Variants in ADK observed in about 807,000 individuals in gnomAD.
ADK encodes adenosine kinase.
In ADK, 24 loss-of-function variants were observed where a neutral mutation model predicts 44.7. The ratio of observed to expected loss-of-function variants is 0.54; its 90% CI spans 0.39 to 0.76. ADK has a LOEUF of 0.76. ADK is among the 30% of genes least tolerant of loss of function. The pLI is 0.00. For synonymous variants in ADK, 128 were observed against 142.6 expected, an observed-to-expected ratio of 0.90 and a Z score of 0.73; for missense variants, 321 against 425.1, an observed-to-expected ratio of 0.76 and a Z score of 2.15.
At chr10:74,369,797 A>C (rs561305233) in intron 4 of ADK, among the ~76,000 whole-genome samples, 6 of 152,322 alleles carry the variant, frequency 3.9e-5, no homozygotes, top group African/African-American at 1.2e-4. Flanking sequence ...CAGTGCAATT[A>C]GTTAAGAAAA....
chr10:74,611,604 A>G (rs1322845572), intron 9 of ADK, among the ~76,000 whole-genome samples: 1 of 151,912 alleles, frequency 6.6e-6, no homozygotes, highest in African/African-American at 2.4e-5. Context: ...CCATCACCCA[A>G]ACAGTGAATA....
chr10:74,652,263 C>G (rs1023678419), intron 9 of ADK, among the ~76,000 whole-genome samples: 3 of 150,454 alleles, frequency 2.0e-5, no homozygotes, highest in African/African-American at 7.3e-5. Flanking sequence ...AGGCTGGTCT[C>G]GAACTCTTGA....
intron 4 of ADK, among the ~76,000 whole-genome samples, chr10:74,357,863 C>T (rs1186564804): frequency 2.6e-5 from 4 of 152,030 alleles, no homozygotes; most frequent in Non-Finnish European, 4.4e-5. Flanking sequence ...TAGATTGAGG[C>T]TGGGATATCT....
At chr10:74,280,764 A>AT (rs772274137) in intron 3 of ADK, among the ~76,000 whole-genome samples, 1 of 151,864 alleles carries the variant, frequency 6.6e-6, no homozygotes, top group Non-Finnish European at 1.5e-5. Flanking sequence ...TGTCACCATT[A>AT]TTTTTTTGTT....
chr10:74,505,684 C>T (rs1242998407), intron 6 of ADK, among the ~76,000 whole-genome samples: 3 of 152,010 alleles, frequency 2.0e-5, no homozygotes, highest in East Asian at 3.9e-4. Flanking sequence ...GTAACAATGG[C>T]GTTTTCCATG....
chr10:74,331,023 C>T (rs1004011387), intron 4 of ADK, among the ~76,000 whole-genome samples: 1 of 152,060 alleles, frequency 6.6e-6, no homozygotes, highest in Non-Finnish European at 1.5e-5. Flanking sequence ...TTTATATTTC[C>T]TGTTTCTATT....
chr10:74,215,656 T>A (rs980650495), intron 2 of ADK, among the ~76,000 whole-genome samples: 3 of 141,900 alleles, frequency 2.1e-5, no homozygotes, highest in Non-Finnish European at 4.6e-5. Context: ...ATAATACTGA[T>A]AAATCACTCT....
chr10:74,224,427 A>T (rs925131827), intron 2 of ADK, 111 bp from the exon 3 acceptor site: 1 of 826,016 alleles, frequency 1.2e-6, no homozygotes, highest in Non-Finnish European at 2.1e-6. Context: ...TGTTTTATCA[A>T]TTAAGTCAGA....
chr10:74,640,375 C>T (rs952857300), intron 9 of ADK, among the ~76,000 whole-genome samples: 2 of 152,200 alleles, frequency 1.3e-5, no homozygotes, highest in Admixed American at 1.3e-4. Context: ...TTAAGAGACT[C>T]GGCAGGACTC....
intron 9 of ADK, among the ~76,000 whole-genome samples, chr10:74,601,322 G>T (rs774273145): frequency 1.2e-4 from 19 of 152,054 alleles, no homozygotes; most frequent in Admixed American, 4.6e-4. Context: ...CATTTGTGTT[G>T]AATTAAATAT....
chr10:74,397,563 G>A (rs1843562379), intron 5 of ADK, among the ~76,000 whole-genome samples: 1 of 151,978 alleles, frequency 6.6e-6, no homozygotes, highest in African/African-American at 2.4e-5. Flanking sequence ...TTAGAGATGT[G>A]GTTTTGCCTT....
At chr10:74,672,673 C>T (rs1265232039) in intron 10 of ADK, among the ~76,000 whole-genome samples, 1 of 152,066 alleles carries the variant, frequency 6.6e-6, no homozygotes, top group Non-Finnish European at 1.5e-5. Flanking sequence ...CTTATGTTGC[C>T]ATCTTTAGCA....
At chr10:74,210,812 T>C (rs1165229331) in intron 2 of ADK, among the ~76,000 whole-genome samples, 1 of 152,218 alleles carries the variant, frequency 6.6e-6, no homozygotes, top group Non-Finnish European at 1.5e-5. Context: ...TGAGACTGCA[T>C]GTGTTAGGTT....
At chr10:74,265,213 A>G (rs4341483) in intron 3 of ADK, among the ~76,000 whole-genome samples, 97,487 of 151,352 alleles carry the variant, frequency 0.64, 32,766 homozygotes, top group Middle Eastern at 0.79. Context: ...AATATAAAAT[A>G]CTACAATTTT....
rs560955410 is a variant in ADK at position 74,619,294 on chromosome 10, A to T, written c.877+18801A>T. ...ACATGGTGAAACCCTGACTCTACCA[A>T]AAATAGAAAAATTACCTGGGCATGG... On this transcript the variant is annotated intron_variant, in intron 9 of 10. Transcript: ENST00000539909. Among the ~76,000 whole-genome samples, 6 of 152,204 alleles carry T rather than the reference A, an allele frequency of 3.9e-5. No individual in the cohort carries two copies. The East Asian group carries it at 9.7e-4, about 25-fold the overall frequency.
intron 4 of ADK, among the ~76,000 whole-genome samples, chr10:74,362,409 A>G (rs1842364814): frequency 6.6e-6 from 1 of 151,908 alleles, no homozygotes; most frequent in South Asian, 2.1e-4. Flanking sequence ...TTTTTTAAAA[A>G]AGTTATTTGA....
intron 9 of ADK, among the ~76,000 whole-genome samples, chr10:74,628,490 G>A (rs939804194): frequency 6.6e-6 from 1 of 151,482 alleles, no homozygotes; most frequent in African/African-American, 2.4e-5. Flanking sequence ...CTTAATCCAG[G>A]TGAGGCAGAT....
chr10:74,527,969 A>G, intron 7 of ADK: 3 of 790,602 alleles, frequency 3.8e-6, no homozygotes, highest in Non-Finnish European at 6.7e-6. Flanking sequence ...GCTGGTTATA[A>G]GAAAAAATTA....
At chr10:74,544,827 A>G (rs1335436077) in intron 7 of ADK, among the ~76,000 whole-genome samples, 1 of 151,514 alleles carries the variant, frequency 6.6e-6, no homozygotes, top group East Asian at 1.9e-4. Flanking sequence ...GTACCACTGC[A>G]CTCCAGCCTG....
Sources: allele counts gnomAD v4.1 joint callset (sites outside exome capture counted in the v4.1 genomes callset), GRCh38; gene constraint gnomAD v4.1.1; transcripts MANE v1.5; gene names NCBI Gene and HGNC (gene_info 2026-07-23, HGNC 2026-07-21).